Variants in ST8SIA2 observed in about 807,000 individuals in gnomAD.
ST8SIA2 encodes the protein alpha-2,8-sialyltransferase 8B.
ST8SIA2 carries 22 observed loss-of-function variants against 37.6 expected under a neutral mutation model. That is an observed-to-expected ratio of 0.58 (90% confidence interval 0.42 to 0.83). ST8SIA2 has a LOEUF of 0.83. ST8SIA2 is among the 40% of genes least tolerant of loss of function. The pLI is 0.00. For synonymous variants in ST8SIA2, 205 were observed against 201.2 expected (o/e 1.02, Z -0.16); for missense variants, 382 against 484.7 (o/e 0.79, Z 1.99).
Position 92,465,559 on chromosome 15 carries a change from G to C in ST8SIA2, c.*1174G>C, listed in dbSNP as rs770951764. Reference sequence around the variant, plus strand: ...GCACTCTGCGGGGCCTTTGCAGCCAGACTGCTGTGTCAATGTTACTTTCTT... The same window carrying C: ...GCACTCTGCGGGGCCTTTGCAGCCACACTGCTGTGTCAATGTTACTTTCTT... On this transcript the variant is annotated 3_prime_UTR_variant, in exon 6 of 6. Transcript: ENST00000268164. 2 of 152,238 alleles carry C rather than the reference G, an allele frequency of 1.3e-5. No individual in the cohort carries two copies. The highest frequency in any genetic ancestry group is 2.9e-5 in the Non-Finnish European group (2 of 68,068). The allele number at this position is 152,238 out of a possible 1,614,324, so 9.4% of individuals were successfully genotyped here. A position where few individuals can be genotyped will look rare whatever the true frequency, so the allele number is the denominator to read the frequency against.
intron 1 of ST8SIA2, among the ~76,000 whole-genome samples, chr15:92,420,006 C>G (rs1176383858): frequency 6.6e-6 from 1 of 152,164 alleles, no homozygotes; most frequent in Non-Finnish European, 1.5e-5. Context: ...GCTAGGATTA[C>G]AGGCGTGCAC....
Position 92,436,345 on chromosome 15 carries a change from C to G in ST8SIA2, c.290+1970C>G, listed in dbSNP as rs2049758629. Among the ~76,000 whole-genome samples, 3 of 152,056 alleles carry G rather than the reference C, an allele frequency of 2.0e-5. No individual in the cohort carries two copies. The South Asian group carries it at 6.2e-4, about 32-fold the overall frequency. ...ACCATTGGATAGAGAAATAGCTCCCCCACCCCTTGTGAAGACGAGACTGTG... is the reference window on the plus strand; with the variant it reads ...ACCATTGGATAGAGAAATAGCTCCCGCACCCCTTGTGAAGACGAGACTGTG... On this transcript the variant is annotated intron_variant, in intron 3 of 5. Transcript: ENST00000268164.
rs147428069 is a variant in ST8SIA2, at chr15:92,461,973, C to A, written c.843-2127C>A. On this transcript the variant is annotated intron_variant, in intron 5 of 5. Transcript: ENST00000268164. Reference sequence around the variant, plus strand: ...TGTTCTGTGTCTGCCTTTGTCCCTCCCTTGGGTTTCCAGTTGAAAAATTCA... The same window carrying A: ...TGTTCTGTGTCTGCCTTTGTCCCTCACTTGGGTTTCCAGTTGAAAAATTCA... 9.2e-5 allele frequency among the ~76,000 whole-genome samples: 14 copies of A among 152,280 alleles called. No homozygotes were observed. The East Asian group carries it at 2.7e-3, about 29-fold the overall frequency.
intron 1 of ST8SIA2, among the ~76,000 whole-genome samples, chr15:92,408,346 A>G (rs1351759772): frequency 6.6e-6 from 1 of 151,910 alleles, no homozygotes; most frequent in African/African-American, 2.4e-5. Flanking sequence ...TCCCCACACC[A>G]TGTTTGTTGC....
intron 1 of ST8SIA2, among the ~76,000 whole-genome samples, chr15:92,411,406 G>A (rs1236064188): frequency 1.3e-5 from 2 of 152,122 alleles, no homozygotes; most frequent in Non-Finnish European, 2.9e-5. Context: ...GGAAGCCATG[G>A]TTATGAAGAA....
At chr15:92,416,439 C>A (rs944403780) in intron 1 of ST8SIA2, among the ~76,000 whole-genome samples, 2 of 151,984 alleles carry the variant, frequency 1.3e-5, no homozygotes, top group Non-Finnish European at 2.9e-5. Context: ...CACCGAGGGA[C>A]AATGGAAGCA....
chr15:92,411,748 T>C (rs1310685801), intron 1 of ST8SIA2, among the ~76,000 whole-genome samples: 1 of 152,172 alleles, frequency 6.6e-6, no homozygotes, highest in Non-Finnish European at 1.5e-5. Flanking sequence ...TGGGGACCAA[T>C]TCGTAAGAGA....
At chr15:92,431,390 A>T (rs1804733258) in intron 2 of ST8SIA2, among the ~76,000 whole-genome samples, 1 of 152,152 alleles carries the variant, frequency 6.6e-6, no homozygotes, top group South Asian at 2.1e-4. Context: ...ATTTAATTAG[A>T]ATAATACTGC....
At chr15:92,413,579 A>G (rs2049565799) in intron 1 of ST8SIA2, among the ~76,000 whole-genome samples, 1 of 152,172 alleles carries the variant, frequency 6.6e-6, no homozygotes, top group Non-Finnish European at 1.5e-5. Flanking sequence ...CTCACTGCAC[A>G]CTTACTGAAG....
At chr15:92,427,214 T>C (rs2141825656) in intron 1 of ST8SIA2, among the ~76,000 whole-genome samples, 1 of 151,618 alleles carries the variant, frequency 6.6e-6, no homozygotes, top group South Asian at 2.1e-4. Context: ...CACAGTTTGT[T>C]TGTCTATTAT....
rs185172935 is a variant in ST8SIA2 at position 92,451,516 on chromosome 15, G to A, written c.842+6587G>A. Among the ~76,000 whole-genome samples the A allele has an allele frequency of 3.4e-4, 52 of 152,248 alleles. No individual in the cohort carries two copies. The East Asian group carries it at 8.3e-3, about 24-fold the overall frequency. On this transcript the variant is annotated intron_variant, in intron 5 of 5. Transcript: ENST00000268164. ...TGCCCTTGAATGTGCCTTTGGTTTC[G>A]CTCTTCTCAATTTGTTTGGCTGCCC...
intron 1 of ST8SIA2, among the ~76,000 whole-genome samples, chr15:92,418,418 C>T (rs1464452135): frequency 2.0e-5 from 3 of 148,126 alleles, no homozygotes; most frequent in African/African-American, 5.0e-5. Flanking sequence ...GCCATGATCA[C>T]GCCACTGCAC....
chr15:92,441,589 A>G (rs2049802582), intron 4 of ST8SIA2, among the ~76,000 whole-genome samples: 1 of 142,602 alleles, frequency 7.0e-6, no homozygotes, highest in African/African-American at 2.8e-5. Flanking sequence ...ACACACACAC[A>G]CACACACACA....
chr15:92,410,573 G>A (rs929389358), intron 1 of ST8SIA2, among the ~76,000 whole-genome samples: 2 of 152,202 alleles, frequency 1.3e-5, no homozygotes, highest in Non-Finnish European at 2.9e-5. Flanking sequence ...ATGAGTGCAC[G>A]TAACGGGATG....
intron 4 of ST8SIA2, 40 bp downstream of exon 4, chr15:92,438,650 G>C: frequency 6.4e-7 from 1 of 1,550,982 alleles, no homozygotes; most frequent in South Asian, 1.2e-5. Flanking sequence ...CAGAGCGGCG[G>C]GCAGGCTGTG....
chr15:92,435,311 G>C (rs1211009869), intron 3 of ST8SIA2, among the ~76,000 whole-genome samples: 1 of 152,178 alleles, frequency 6.6e-6, no homozygotes, highest in East Asian at 1.9e-4. Flanking sequence ...GCCAGGAAAG[G>C]CTGGCCAGGA....
chr15:92,394,035 C>A lies in ST8SIA2; in HGVS notation c.-30C>A, dbSNP rs376346311. The A allele has an allele frequency of 5.2e-6, 8 of 1,532,534 alleles. No individual in the cohort carries two copies. The highest frequency in any genetic ancestry group is 1.4e-5 in the African/African-American group (1 of 71,390). 94.9% of individuals were successfully genotyped at this position (1,532,534 alleles called of 1,614,324 possible). A position where few individuals can be genotyped will look rare whatever the true frequency, so the allele number is the denominator to read the frequency against. ...CCGGCCCCTGCTCCTCGCGCCGGCC[C>A]GCGTGGGTCCCGGCGGGCGCGAACC... On this transcript the variant is annotated 5_prime_UTR_variant, in exon 1 of 6. Transcript: ENST00000268164.
At position 92,444,792 on chromosome 15, in the gene ST8SIA2, C is replaced by T. The variant is rs754606716; in HGVS notation, c.705C>T (p.Gly235=). ...TGCAACGGCTGCACAGCCTCAATGGCAGCATCCTGTGGATCCCTGCCTTCA... is the reference window on the plus strand; with the variant it reads ...TGCAACGGCTGCACAGCCTCAATGGTAGCATCCTGTGGATCCCTGCCTTCA... ...KLLQRLHSLN[G]SILWIPAFMA... The change falls in exon 5 of 6, where the codon GGC becomes GGT. Residue 235 remains glycine (G), a synonymous_variant. Transcript: ENST00000268164. 6.2e-7 allele frequency: 1 copy of T among 1,614,150 alleles called. No individual in the cohort carries two copies. The highest frequency in any genetic ancestry group is 2.2e-5 in the East Asian group (1 of 44,892).
intron 1 of ST8SIA2, among the ~76,000 whole-genome samples, chr15:92,427,622 T>C (rs2049686460): frequency 6.6e-6 from 1 of 152,210 alleles, no homozygotes; most frequent in African/African-American, 2.4e-5. Flanking sequence ...CATCAAAGAT[T>C]TGATGAATAT....
Sources: gnomAD v4.1 joint callset for allele counts (sites outside exome capture counted in the v4.1 genomes callset) on GRCh38, gnomAD v4.1.1 for gene constraint, MANE v1.5 for transcripts, NCBI Gene and HGNC (gene_info 2026-07-23, HGNC 2026-07-21) for gene names.